Variants in SLC5A4 observed in about 807,000 individuals in gnomAD.
SLC5A4 encodes solute carrier family 5 member 4.
SLC5A4 carries 55 observed loss-of-function variants against 70.3 expected under a neutral mutation model. That is an observed-to-expected ratio of 0.78 (90% CI 0.63 to 0.98). SLC5A4 has a LOEUF of 0.98. Ranked by LOEUF, SLC5A4 falls within the 50% of genes least tolerant of loss-of-function variation. SLC5A4 has a pLI of 0.00. For missense variants in SLC5A4, 735 were observed against 839.2 expected (o/e 0.88, Z 1.53); for synonymous variants, 268 against 305.7 (o/e 0.88, Z 1.29).
intron 13 of SLC5A4, 116 bp downstream of exon 13, chr22:32,224,147 CCTGA>C: frequency 2.8e-6 from 2 of 712,910 alleles, no homozygotes; most frequent in Non-Finnish European, 4.9e-6. Context: ...GTCTCCATCT[CCTGA>C]CCTCGTGATC....
the SLC5A4 span, among the ~76,000 whole-genome samples, chr22:32,279,553 G>A: frequency 2.0e-5 from 3 of 152,114 alleles, no homozygotes; most frequent in African/African-American, 7.2e-5. Flanking sequence ...CACTTTGGGA[G>A]GCCGAGGTGG....
upstream of SLC5A4, chr22:32,255,416 G>T (rs574168093): frequency 1.4e-6 from 2 of 1,423,426 alleles, no homozygotes; most frequent in African/African-American, 1.4e-5. Flanking sequence ...CAGGTGGGGC[G>T]AGATATCAGA....
At chr22:32,292,302 A>G in the SLC5A4 span, among the ~76,000 whole-genome samples, 1 of 141,218 alleles carries the variant, frequency 7.1e-6, no homozygotes. Flanking sequence ...TATACTAGAT[A>G]TTATATATAT....
the SLC5A4 span, among the ~76,000 whole-genome samples, chr22:32,267,781 G>A: frequency 1.3e-5 from 2 of 152,322 alleles, no homozygotes; most frequent in South Asian, 4.1e-4. Flanking sequence ...GCCACATGTG[G>A]CAGGACAGCC....
At chr22:32,306,373 G>A in the SLC5A4 span, among the ~76,000 whole-genome samples, 1 of 151,768 alleles carries the variant, frequency 6.6e-6, no homozygotes, top group Admixed American at 6.6e-5. Context: ...GGCTGAGGCA[G>A]GAGAATGGCG....
At chr22:32,329,642 GGT>G in the SLC5A4 span, among the ~76,000 whole-genome samples, 1 of 79,918 alleles carries the variant, frequency 1.3e-5, no homozygotes, top group East Asian at 3.9e-4. Context: ...AGGGCTCTGG[GGT>G]GTGTGTTGGG....
At chr22:32,305,015 GTC>G in the SLC5A4 span, among the ~76,000 whole-genome samples, 1 of 152,018 alleles carries the variant, frequency 6.6e-6, no homozygotes, top group Non-Finnish European at 1.5e-5. Flanking sequence ...TTGCTCCTCT[GTC>G]AAAGATCAGT....
At chr22:32,234,268 A>G (rs1047538159) in intron 8 of SLC5A4, among the ~76,000 whole-genome samples, 3 of 152,226 alleles carry the variant, frequency 2.0e-5, no homozygotes, top group African/African-American at 7.2e-5. Context: ...CACTGAGCAC[A>G]AGGATTTAGG....
the SLC5A4 span, among the ~76,000 whole-genome samples, chr22:32,335,859 C>G: frequency 0.3 from 45,164 of 152,016 alleles, 7,936 homozygotes; most frequent in East Asian, 0.49. Flanking sequence ...CCGATCTGGA[C>G]GGTGCTTAGG....
At chr22:32,270,931 CACT>C in the SLC5A4 span, 1 of 568,484 alleles carries the variant, frequency 1.8e-6, no homozygotes. Context: ...GCATGTTCAC[CACT>C]GAGAGCTGCC....
At chr22:32,325,199 G>A in the SLC5A4 span, among the ~76,000 whole-genome samples, 417 of 152,352 alleles carry the variant, frequency 2.7e-3, 4 homozygotes, top group African/African-American at 9.4e-3. Flanking sequence ...TGGCGCCTTC[G>A]CCAGGCCTGG....
chr22:32,249,334 C>A (rs1390771286), intron 3 of SLC5A4, among the ~76,000 whole-genome samples: 1 of 152,240 alleles, frequency 6.6e-6, no homozygotes, highest in South Asian at 2.1e-4. Flanking sequence ...GGAACTTGAG[C>A]CTTACAGAGA....
the SLC5A4 span, among the ~76,000 whole-genome samples, chr22:32,302,052 A>G: frequency 6.6e-6 from 1 of 152,224 alleles, no homozygotes; most frequent in East Asian, 1.9e-4. Flanking sequence ...CATATGGGTA[A>G]TTCTTCATGA....
At chr22:32,294,364 T>C in the SLC5A4 span, among the ~76,000 whole-genome samples, 2 of 151,606 alleles carry the variant, frequency 1.3e-5, no homozygotes, top group African/African-American at 4.8e-5. Flanking sequence ...TCTGTGATAA[T>C]TGCATATGCA....
chr22:32,227,865 G>A (rs1425480662), intron 11 of SLC5A4, among the ~76,000 whole-genome samples: 4 of 152,124 alleles, frequency 2.6e-5, no homozygotes, highest in Non-Finnish European at 5.9e-5. Flanking sequence ...AACTCGGGAG[G>A]CTGAGGCAGG....
In SLC5A4 at chr22:32,218,565, G is replaced by T. The variant is rs776450530; in HGVS notation, c.1929C>A (p.Asn643Lys). The change falls in exon 15 of 15, where the codon AAC becomes AAA. Residue 643 changes from asparagine to lysine, a missense_variant. Physicochemically the swap from Asn to Lys is moderately conservative, Grantham distance 94. Transcript: ENST00000266086. ...CCACCACAGCCAGGAGGAGGATGGC[G>T]TTGATGTTCACTATTGTCCTCCACG... ...RPSWRTIVNINAILLLAVVVF... is the reference protein window; with the variant it reads ...RPSWRTIVNIKAILLLAVVVF... 14 of 1,613,728 alleles carry T rather than the reference G, an allele frequency of 8.7e-6. No homozygotes were observed. The highest frequency in any genetic ancestry group is 1.2e-5 in the Non-Finnish European group (14 of 1,179,992).
chr22:32,250,044 G>A (rs896929098), intron 3 of SLC5A4, among the ~76,000 whole-genome samples: 1 of 152,164 alleles, frequency 6.6e-6, no homozygotes, highest in Non-Finnish European at 1.5e-5. Context: ...GACACATAGT[G>A]GGGACTCAGG....
chr22:32,346,152 A>C, the SLC5A4 span, among the ~76,000 whole-genome samples: 1 of 152,212 alleles, frequency 6.6e-6, no homozygotes, highest in Non-Finnish European at 1.5e-5. Context: ...TGCGGCTTAC[A>C]ATACTGAAGA....
chr22:32,281,907 G>A, the SLC5A4 span, among the ~76,000 whole-genome samples: 1 of 152,202 alleles, frequency 6.6e-6, no homozygotes, highest in Non-Finnish European at 1.5e-5. Flanking sequence ...GCAGTGGCAC[G>A]ATCTTGGCTC....
Sources: gnomAD v4.1 joint callset for allele counts (sites outside exome capture counted in the v4.1 genomes callset) on GRCh38, gnomAD v4.1.1 for gene constraint, MANE v1.5 for transcripts, NCBI Gene and HGNC (gene_info 2026-07-23, HGNC 2026-07-21) for gene names.